SARS1: variants seen among roughly 807,000 people sequenced by gnomAD.
The protein encoded by SARS1 is seryl-tRNA synthetase 1.
In SARS1, 25 loss-of-function variants were observed where a neutral mutation model predicts 63.7. The ratio of observed to expected loss-of-function variants is 0.39; its 90% confidence interval spans 0.29 to 0.55. The LOEUF is 0.55. Ranked by LOEUF, SARS1 falls within the 20% of genes least tolerant of loss-of-function variation. SARS1 has a pLI of 0.62. For missense variants in SARS1, 417 were observed against 649.7 expected (o/e 0.64, Z 3.89); for synonymous variants, 231 against 243.5 (o/e 0.95, Z 0.48).
At chr1:109,226,699 C>CACATATATATATATATAT (rs1206730217) in intron 2 of SARS1, among the ~76,000 whole-genome samples, 204 of 67,972 alleles carry the variant, frequency 3.0e-3, no homozygotes, top group Middle Eastern at 0.034. Context: ...TATATATATA[C>CACATATATATATATATAT]ACACACACAC....
At position 109,223,972 on chromosome 1, in the gene SARS1, T is replaced by C; in HGVS notation, c.137-6T>C. 1 of 1,605,994 alleles carries C rather than the reference T, an allele frequency of 6.2e-7. No individual in the cohort carries two copies. On this transcript the variant is annotated splice_polypyrimidine_tract_variant and splice_region_variant and intron_variant, in intron 1 of 10. Transcript: ENST00000234677. ...TTTGGTATAGTCTTGGATTCTTTAT[T>C]CCTAGGTAGATTTCGGGCAGACAAC...
chr1:109,226,249 A>T (rs952690103), intron 2 of SARS1, among the ~76,000 whole-genome samples: 1 of 151,630 alleles, frequency 6.6e-6, no homozygotes, highest in Non-Finnish European at 1.5e-5. Context: ...GAGTCACTGA[A>T]GGGTGTGAGT....
At chr1:109,217,561 AATT>A (rs1284589823) in intron 1 of SARS1, among the ~76,000 whole-genome samples, 5 of 149,154 alleles carry the variant, frequency 3.4e-5, no homozygotes, top group Admixed American at 1.3e-4. Flanking sequence ...ATATATATAT[AATT>A]ATTATTATTA....
intron 6 of SARS1, among the ~76,000 whole-genome samples, chr1:109,232,724 G>A (rs546099316): frequency 2.2e-4 from 33 of 152,306 alleles, no homozygotes; most frequent in African/African-American, 7.2e-4. Context: ...GGAGGAATGT[G>A]TTCCTTTACT....
chr1:109,219,418 T>G (rs1405699971), intron 1 of SARS1, among the ~76,000 whole-genome samples: 1 of 150,182 alleles, frequency 6.7e-6, no homozygotes, highest in South Asian at 2.1e-4. Flanking sequence ...CCTCCAAAAA[T>G]AATAGTATTC....
intron 1 of SARS1, among the ~76,000 whole-genome samples, chr1:109,221,428 T>G (rs866300232): frequency 3.3e-5 from 5 of 152,128 alleles, no homozygotes; most frequent in Non-Finnish European, 7.3e-5. Flanking sequence ...AGTATGTCTC[T>G]TATCACCTCT....
At position 109,229,833 on chromosome 1, in the gene SARS1, T is replaced by TGGTAGC. The variant is rs1655171218; in HGVS notation, c.447+262_447+267dup. ...GCTGTCCTCCGCTGCATGTTGCCCGTGGTAGCAGGCATCTCGTGGGAGGGA... is the reference window on the plus strand; with the variant it reads ...GCTGTCCTCCGCTGCATGTTGCCCGTGGTAGCGGTAGCAGGCATCTCGTGGGAGGGA... On this transcript the variant is annotated intron_variant, in intron 4 of 10. Coordinates refer to ENST00000234677, the MANE Select transcript of SARS1 (RefSeq NM_006513.4). Among the ~76,000 whole-genome samples the TGGTAGC allele has an allele frequency of 3.3e-5, 5 of 152,300 alleles. No homozygotes were observed. The South Asian group carries it at 1.0e-3, about 32-fold the overall frequency.
Position 109,213,972 on chromosome 1 carries a change from G to C in SARS1, c.-21G>C. Reference sequence around the variant, plus strand: ...CGGCGCGATCCTTGCTTCCCTGAGCGTTGGCCCGGGAGGAAAGAAGATGGT... The same window carrying C: ...CGGCGCGATCCTTGCTTCCCTGAGCCTTGGCCCGGGAGGAAAGAAGATGGT... On this transcript the variant is annotated 5_prime_UTR_variant, in exon 1 of 11. Coordinates refer to ENST00000234677, the MANE Select transcript of SARS1 (RefSeq NM_006513.4). The C allele has an allele frequency of 6.2e-7, 1 of 1,602,358 alleles. No homozygotes were observed. Among genetic ancestry groups the C allele is most frequent in the East Asian group, 2.3e-5 (1 of 43,860 alleles).
rs939479076 is a variant in SARS1 at position 109,235,194 on chromosome 1, C to T, written c.748-16C>T. ...CCCCACTTCCTCTTAACTGGTATAG[C>T]TCCTTCCTTCCACAGGTGATTGGCA... On this transcript the variant is annotated splice_polypyrimidine_tract_variant and intron_variant, in intron 6 of 10. Coordinates refer to ENST00000234677, the MANE Select transcript of SARS1 (RefSeq NM_006513.4). The surrounding 1 kb of genome is among the most constrained non-coding windows in gnomAD (Gnocchi z 4.7). The T allele has an allele frequency of 1.2e-6, 2 of 1,601,156 alleles. No individual in the cohort carries two copies. The highest frequency in any genetic ancestry group is 1.7e-4 in the Middle Eastern group (1 of 6,042).
chr1:109,214,491 C>A lies in SARS1; in HGVS notation c.136+363C>A. 3.0e-6 allele frequency: 3 copies of A among 1,008,788 alleles called. No individual in the cohort carries two copies. The Middle Eastern group carries it at 1.4e-3, about 473-fold the overall frequency. 62.5% of individuals were successfully genotyped at this position (1,008,788 alleles called of 1,614,324 possible). On this transcript the variant is annotated intron_variant, in intron 1 of 10. Coordinates refer to ENST00000234677, the MANE Select transcript of SARS1 (RefSeq NM_006513.4). The surrounding 1 kb of genome is among the most constrained non-coding windows in gnomAD (Gnocchi z 4.6). ...TTCCTAACACGAATCTTTGGTCCCC[C>A]CCAGTCTTTTTCTCATCTTCAGCAA...
At chr1:109,217,816 T>G (rs1654826668) in intron 1 of SARS1, among the ~76,000 whole-genome samples, 1 of 152,056 alleles carries the variant, frequency 6.6e-6, no homozygotes, top group Admixed American at 6.6e-5. Flanking sequence ...CACTTCGACC[T>G]CCCACACTGC....
intron 1 of SARS1, chr1:109,216,900 G>A (rs1654802455): frequency 6.1e-6 from 6 of 984,188 alleles, no homozygotes; most frequent in Non-Finnish European, 6.0e-6. Context: ...TGGGATTACA[G>A]GCATGAGTCA....
chr1:109,236,893 T>C (rs1372113664), intron 9 of SARS1: 1 of 1,581,974 alleles, frequency 6.3e-7, no homozygotes, highest in East Asian at 2.3e-5. Flanking sequence ...AGCTGCTCTC[T>C]TCAAACCCAA....
In SARS1 at chr1:109,215,268, T is replaced by G. The variant is rs929210348; in HGVS notation, c.136+1140T>G. 9.1e-6 allele frequency: 9 copies of G among 985,390 alleles called. No individual in the cohort carries two copies. The African/African-American group carries it at 1.4e-4, about 15-fold the overall frequency. 61.0% of individuals were successfully genotyped at this position (985,390 alleles called of 1,614,324 possible). On this transcript the variant is annotated intron_variant, in intron 1 of 10. Transcript: ENST00000234677. ...AATGGAATTTAATTTTGCCACATTT[T>G]TTGTTTAGGATAAAACTAGCCTGAG...
Position 109,217,201 on chromosome 1 carries a change from ATC to A in SARS1, c.136+3074_136+3075del, listed in dbSNP as rs1281142986. Reference sequence around the variant, plus strand: ...TTAGGATGGGTTTATGTCCCAATAAATCCACCATAAGTTGAAAATATTGTAAG... The same window carrying A: ...TTAGGATGGGTTTATGTCCCAATAAACACCATAAGTTGAAAATATTGTAAG... On this transcript the variant is annotated intron_variant, in intron 1 of 10. Transcript: ENST00000234677. The A allele has an allele frequency of 4.5e-6, 4 of 897,544 alleles. No individual in the cohort carries two copies. In the East Asian group the frequency reaches 4.8e-4, roughly 107 times the overall value. 55.6% of individuals were successfully genotyped at this position (897,544 alleles called of 1,614,324 possible).
chr1:109,216,258 T>C (rs949656064), intron 1 of SARS1: 5 of 985,420 alleles, frequency 5.1e-6, no homozygotes, highest in African/African-American at 1.7e-5. Flanking sequence ...TGCTCCCTAA[T>C]TGAGGACACA....
rs1378212916 is a variant in SARS1, at chr1:109,229,409, T to A, written c.289-5T>A. 1.9e-6 allele frequency: 3 copies of A among 1,613,808 alleles called. No individual in the cohort carries two copies. The Admixed American group carries it at 5.0e-5, about 27-fold the overall frequency. On this transcript the variant is annotated splice_region_variant and splice_polypyrimidine_tract_variant and intron_variant, in intron 3 of 10. Coordinates refer to ENST00000234677, the MANE Select transcript of SARS1 (RefSeq NM_006513.4). ...TGCTTATGGGCCTGGCCTGTTCATC[T>A]GCAGAACCTGAAAGTCTCACAAATC... is the stretch of plus-strand genomic sequence containing the variant.
At position 109,235,578 on chromosome 1, in the gene SARS1, T is replaced by C. The variant is rs1655290494; in HGVS notation, c.969+147T>C. On this transcript the variant is annotated intron_variant, in intron 7 of 10. Coordinates refer to ENST00000234677, the MANE Select transcript of SARS1 (RefSeq NM_006513.4). This position sits in a 1 kb window ranked among gnomAD's most constrained non-coding sequence, Gnocchi z 4.7. Reference sequence around the variant, plus strand: ...TCTGTGTTTCTGGGGAAGTGCATGGTGGAGTGGCGTGGATTATGGACCCTG... The same window carrying C: ...TCTGTGTTTCTGGGGAAGTGCATGGCGGAGTGGCGTGGATTATGGACCCTG... The C allele has an allele frequency of 8.6e-6, 6 of 695,262 alleles. No homozygotes were observed. The Admixed American group carries it at 1.6e-4, about 18-fold the overall frequency. 43.1% of individuals were successfully genotyped at this position (695,262 alleles called of 1,614,324 possible).
intron 5 of SARS1, 46 bp downstream of exon 5, chr1:109,231,067 A>AT (rs1225032464): frequency 9.6e-7 from 1 of 1,038,926 alleles, no homozygotes; most frequent in Admixed American, 5.4e-5. Flanking sequence ...AAAAGAAACA[A>AT]AATATATATA....
Sources: allele counts gnomAD v4.1 joint callset (sites outside exome capture counted in the v4.1 genomes callset), GRCh38; gene constraint gnomAD v4.1.1; non-coding constraint Gnocchi (gnomAD v3.1); transcripts MANE v1.5; gene names NCBI Gene and HGNC (gene_info 2026-07-23, HGNC 2026-07-21).